Variants in ARFGEF1 observed in about 807,000 individuals in gnomAD.
The protein encoded by ARFGEF1 is ARF guanine nucleotide exchange factor 1.
In ARFGEF1, 42 loss-of-function variants were observed where a neutral mutation model predicts 231.0. The observed-to-expected ratio is 0.18, with a 90% confidence interval of 0.14 to 0.24. The LOEUF (loss-of-function observed/expected upper bound fraction) is 0.24. Among genes scored for constraint, ARFGEF1 ranks in the 10% least tolerant of loss-of-function variants. ARFGEF1 has a pLI of 1.00. For synonymous variants in ARFGEF1, 710 were observed against 732.3 expected (o/e 0.97, Z 0.49); for missense variants, 1,345 against 2,192.0 (o/e 0.61, Z 7.72).
Position 67,198,979 on chromosome 8 carries a change from C to A in ARFGEF1, c.5505G>T (p.Gln1835His). Residue 1835 changes from glutamine to histidine, a missense_variant, in exon 39 of 39, where the codon CAG (glutamine) becomes CAT (histidine). Coordinates refer to ENST00000262215, the MANE Select transcript of ARFGEF1 (RefSeq NM_006421.5). ...RFFLRIGVVFQISQPPEQELG... is the reference protein window; with the variant it reads ...RFFLRIGVVFHISQPPEQELG... ...GTTCCTGTTCAGGTGGTTGTGATATCTGAAAAACTACTCCGATTCGCAGAA... is the reference window on the plus strand; with the variant it reads ...GTTCCTGTTCAGGTGGTTGTGATATATGAAAAACTACTCCGATTCGCAGAA... 1 of 1,613,096 alleles carries A rather than the reference C, an allele frequency of 6.2e-7. No homozygotes were observed. The highest frequency in any genetic ancestry group is 1.6e-4 in the Middle Eastern group (1 of 6,062).
downstream of ARFGEF1, chr8:67,175,146 T>C (rs772996927): frequency 1.8e-4 from 118 of 647,592 alleles, no homozygotes; most frequent in Non-Finnish European, 2.9e-4. Flanking sequence ...GTGGCTATTT[T>C]ACTGTCCTTT....
At chr8:67,292,442 TACA>T (rs1344873898) in intron 5 of ARFGEF1, among the ~76,000 whole-genome samples, 3 of 151,998 alleles carry the variant, frequency 2.0e-5, no homozygotes, top group Non-Finnish European at 4.4e-5. Flanking sequence ...TCTATAAAAA[TACA>T]TAAGAAGCTA....
chr8:67,190,061 G>A (rs573447379), intron 5 of ARFGEF1, among the ~76,000 whole-genome samples: 19 of 152,246 alleles, frequency 1.2e-4, no homozygotes, highest in African/African-American at 3.9e-4. Context: ...ATAATACCCA[G>A]CAATTTCATT....
chr8:67,211,269 G>T lies in ARFGEF1; in HGVS notation c.4819+214C>A, dbSNP rs1371105175. Among the ~76,000 whole-genome samples, 3 of 150,634 alleles carry T rather than the reference G, an allele frequency of 2.0e-5. No homozygotes were observed. The East Asian group carries it at 5.8e-4, about 29-fold the overall frequency. On this transcript the variant is annotated intron_variant, in intron 34 of 38. Coordinates refer to ENST00000262215, the MANE Select transcript of ARFGEF1 (RefSeq NM_006421.5). ...TGAGGCAGAAGAATTGCTTGAACCCGGGAGGCGGAGGTTGCAGTGAGCTAC... is the reference window on the plus strand; with the variant it reads ...TGAGGCAGAAGAATTGCTTGAACCCTGGAGGCGGAGGTTGCAGTGAGCTAC...
chr8:67,224,355 G>A (rs1839301952), intron 29 of ARFGEF1, among the ~76,000 whole-genome samples: 1 of 152,048 alleles, frequency 6.6e-6, no homozygotes, highest in African/African-American at 2.4e-5. Context: ...TTAGCATTTG[G>A]CCAGTTACAT....
chr8:67,230,504 T>C (rs1158471744), intron 23 of ARFGEF1, among the ~76,000 whole-genome samples: 2 of 152,078 alleles, frequency 1.3e-5, no homozygotes, highest in African/African-American at 4.8e-5. Context: ...TTTTTCACAA[T>C]GAATATATCA....
chr8:67,193,405 C>G (rs1322041988), downstream of ARFGEF1: 18 of 1,512,130 alleles, frequency 1.2e-5, no homozygotes, highest in Non-Finnish European at 1.6e-5. Flanking sequence ...CCCTGATTCA[C>G]TGATTTGTGA....
rs529489664 is a variant in ARFGEF1, at chr8:67,249,449, G to A, written c.2850+1850C>T. ...GGGTTTATTGAGACATAATCCCATC[G>A]TAAGTCGAGGAGCATACAAGTCTGC... On this transcript the variant is annotated intron_variant, in intron 19 of 38. Transcript: ENST00000262215. Among the ~76,000 whole-genome samples the A allele has an allele frequency of 1.0e-3, 150 of 149,730 alleles. 3 individuals are homozygous for A. The highest frequency in any genetic ancestry group is 1.8e-3 in the Non-Finnish European group (123 of 67,782).
At chr8:67,178,022 T>C (rs1418683320) in intron 5 of ARFGEF1, among the ~76,000 whole-genome samples, 2 of 152,142 alleles carry the variant, frequency 1.3e-5, no homozygotes, top group Non-Finnish European at 1.5e-5. Flanking sequence ...ATCTGTAAAA[T>C]GAGGATAATA....
At chr8:67,259,998 G>A (rs1840588741) in intron 14 of ARFGEF1, 72 bp from the exon 15 acceptor site, 8 of 1,012,836 alleles carry the variant, frequency 7.9e-6, no homozygotes, top group Non-Finnish European at 1.2e-5. Context: ...TTAAACCACA[G>A]TAAATTTTCT....
chr8:67,232,070 T>C (rs992021013), intron 23 of ARFGEF1, among the ~76,000 whole-genome samples: 1 of 152,064 alleles, frequency 6.6e-6, no homozygotes, highest in African/African-American at 2.4e-5. Flanking sequence ...ATTCTAGTTC[T>C]ACCTGTACTT....
At chr8:67,251,924 C>T (rs1266460946) in intron 18 of ARFGEF1, among the ~76,000 whole-genome samples, 1 of 151,982 alleles carries the variant, frequency 6.6e-6, no homozygotes, top group African/African-American at 2.4e-5. Flanking sequence ...ATACAATTAT[C>T]AGGGAAACAA....
At chr8:67,297,385 A>G (rs1806282924) in intron 4 of ARFGEF1, among the ~76,000 whole-genome samples, 1 of 152,166 alleles carries the variant, frequency 6.6e-6, no homozygotes, top group African/African-American at 2.4e-5. Flanking sequence ...ATTGTTGAAG[A>G]GGTTTATAAA....
intron 1 of ARFGEF1, among the ~76,000 whole-genome samples, chr8:67,336,926 C>G (rs1206285183): frequency 6.6e-6 from 1 of 151,960 alleles, no homozygotes; most frequent in Non-Finnish European, 1.5e-5. Flanking sequence ...GTCAGGAGAT[C>G]GAGACCATCC....
rs772133263 is a variant in ARFGEF1, at chr8:67,228,152, T to A, written c.3422-20A>T. The A allele has an allele frequency of 3.6e-5, 58 of 1,608,184 alleles. No homozygotes were observed. Among genetic ancestry groups the A allele is most frequent in the Non-Finnish European group, 4.8e-5 (56 of 1,178,120 alleles). Reference sequence around the variant, plus strand: ...AATCCACTGTAATATAAATACATTTTTTTTTTAGCTCAACATTAAAGTTAT... The same window carrying A: ...AATCCACTGTAATATAAATACATTTATTTTTTAGCTCAACATTAAAGTTAT... On this transcript the variant is annotated intron_variant, in intron 24 of 38. Coordinates refer to ENST00000262215, the MANE Select transcript of ARFGEF1 (RefSeq NM_006421.5).
chr8:67,174,117 T>C (rs538737834), downstream of ARFGEF1: 3 of 152,312 alleles, frequency 2.0e-5, no homozygotes, highest in South Asian at 6.2e-4. Flanking sequence ...AGCCATAGAA[T>C]TGGGCTGTTC....
At chr8:67,240,123 A>G (rs774344639) in intron 20 of ARFGEF1, 39 bp downstream of exon 20, 5 of 1,596,142 alleles carry the variant, frequency 3.1e-6, no homozygotes, top group South Asian at 1.2e-5. Context: ...TAGGTAATTA[A>G]TGTTCCAAAC....
At chr8:67,193,502 T>C (rs972940851), downstream of ARFGEF1, 3 of 1,613,348 alleles carry the variant, frequency 1.9e-6, no homozygotes. Context: ...ATGGTCTCTC[T>C]CTAAAATCTA....
intron 5 of ARFGEF1, among the ~76,000 whole-genome samples, chr8:67,192,231 C>A (rs903380151): frequency 1.6e-4 from 24 of 151,942 alleles, no homozygotes; most frequent in Admixed American, 1.6e-3. Flanking sequence ...CATGCCAACA[C>A]GCCTGGCTAA....
Sources: allele counts gnomAD v4.1 joint callset (sites outside exome capture counted in the v4.1 genomes callset), GRCh38; gene constraint gnomAD v4.1.1; transcripts MANE v1.5; gene names NCBI Gene and HGNC (gene_info 2026-07-23, HGNC 2026-07-21).